ZDHHC1: variants seen among roughly 807,000 people sequenced by gnomAD.
ZDHHC1 encodes palmitoyltransferase ZDHHC1.
ZDHHC1 carries 45 observed loss-of-function variants against 46.9 expected under a neutral mutation model. That is an observed-to-expected ratio of 0.96 (90% CI 0.76 to 1.23). ZDHHC1 has a LOEUF of 1.23. Among genes scored for constraint, ZDHHC1 ranks in the 50% most tolerant of loss-of-function variants. The probability of loss-of-function intolerance (pLI) is 0.00; values close to 1 mark genes in which losing one functional copy is unlikely to be tolerated. For missense variants in ZDHHC1, 649 were observed against 670.8 expected (o/e 0.97, Z 0.36); for synonymous variants, 291 against 286.0 (o/e 1.02, Z -0.18).
chr16:67,404,517 G>C, intron 3 of ZDHHC1: 1 of 337,094 alleles, frequency 3.0e-6, no homozygotes, highest in Admixed American at 3.7e-5. Context: ...GAAGGAAGGA[G>C]AGCATATAGG....
chr16:67,412,134 T>G (rs8052687), intron 1 of ZDHHC1, among the ~76,000 whole-genome samples: 37,749 of 150,068 alleles, frequency 0.25, 8,877 homozygotes, highest in African/African-American at 0.62. Context: ...AAAAAAAGGC[T>G]GCGGGGATGG....
rs12598427 is a variant in ZDHHC1, at chr16:67,408,543, G to C, written c.-38-730C>G. ...GCGCTGTCACCCAGGCTGGAGTGCC[G>C]TGGCGCAATGATAGCTCACTGAAGC... is the stretch of plus-strand genomic sequence containing the variant. On this transcript the variant is annotated intron_variant, in intron 1 of 11. Transcript: ENST00000565726. Among the ~76,000 whole-genome samples, 24 of 152,156 alleles carry C rather than the reference G, an allele frequency of 1.6e-4. No individual in the cohort carries two copies. The East Asian group carries it at 4.1e-3, about 26-fold the overall frequency.
At chr16:67,398,364 G>A (rs776293417) in intron 7 of ZDHHC1, 40 bp from the exon 8 acceptor site, 65 of 1,589,086 alleles carry the variant, frequency 4.1e-5, no homozygotes, top group Non-Finnish European at 5.4e-5. Flanking sequence ...GTGGAAGGGG[G>A]ACTCTGGAGC....
At chr16:67,395,608 G>A in intron 8 of ZDHHC1, 42 bp from the exon 9 acceptor site, 1 of 1,544,176 alleles carries the variant, frequency 6.5e-7, no homozygotes, top group Non-Finnish European at 8.8e-7. Flanking sequence ...GGCCAGGTGT[G>A]GCTCCCGAGC....
intron 3 of ZDHHC1, chr16:67,404,632 T>TCAGG (rs945264565): frequency 2.2e-6 from 1 of 453,120 alleles, no homozygotes; most frequent in African/African-American, 2.0e-5. Flanking sequence ...CTCAGGACAG[T>TCAGG]CAGGCTTCCT....
In ZDHHC1 at chr16:67,398,484, C is replaced by T. The variant is rs2040476946; in HGVS notation, c.814+89G>A. The T allele has an allele frequency of 5.9e-6, 9 of 1,533,264 alleles. No individual in the cohort carries two copies. In the Admixed American group the frequency reaches 1.8e-4, roughly 30 times the overall value. 95.0% of individuals were successfully genotyped at this position (1,533,264 alleles called of 1,614,324 possible). On this transcript the variant is annotated intron_variant, in intron 7 of 11. Transcript: ENST00000565726. ...ATAGTGAGCCCATACTAGGCAGGGGCATGGTTTCAGGGTCCACCGTCCAAC... is the reference window on the plus strand; with the variant it reads ...ATAGTGAGCCCATACTAGGCAGGGGTATGGTTTCAGGGTCCACCGTCCAAC...
At chr16:67,408,426 T>C (rs1460129174) in intron 1 of ZDHHC1, among the ~76,000 whole-genome samples, 5 of 151,568 alleles carry the variant, frequency 3.3e-5, no homozygotes, top group African/African-American at 4.9e-5. Context: ...CCGCCAGCCT[T>C]GGCCTCCCAA....
At position 67,397,804 on chromosome 16, in the gene ZDHHC1, G is replaced by C. The variant is rs1433914685; in HGVS notation, c.927+408C>G. 3.3e-5 allele frequency among the ~76,000 whole-genome samples: 5 copies of C among 152,348 alleles called. No individual in the cohort carries two copies. The East Asian group carries it at 9.7e-4, about 29-fold the overall frequency. ...CCTCAGTAGGCACATCTGCAGAAGA[G>C]GCTGTTCTAAGCATAAATTAGGGTA... On this transcript the variant is annotated intron_variant, in intron 8 of 11. Transcript: ENST00000565726.
At chr16:67,402,135 A>G (rs1377787783) in intron 3 of ZDHHC1, among the ~76,000 whole-genome samples, 1 of 152,240 alleles carries the variant, frequency 6.6e-6, no homozygotes, top group Non-Finnish European at 1.5e-5. Flanking sequence ...TAGCTAAGAG[A>G]GACAATCCTG....
chr16:67,410,027 C>G (rs1251838750), intron 1 of ZDHHC1, among the ~76,000 whole-genome samples: 1 of 151,860 alleles, frequency 6.6e-6, no homozygotes, highest in Non-Finnish European at 1.5e-5. Context: ...GAGCAGGACC[C>G]AGTGAGAGAT....
intron 4 of ZDHHC1, among the ~76,000 whole-genome samples, chr16:67,400,406 G>T (rs2040528572): frequency 6.6e-6 from 1 of 152,226 alleles, no homozygotes; most frequent in Non-Finnish European, 1.5e-5. Context: ...TTAGCAGAGG[G>T]ACCTGAGCAA....
chr16:67,404,407 C>CA (rs1437645398), intron 3 of ZDHHC1: 1 of 268,920 alleles, frequency 3.7e-6, no homozygotes, highest in East Asian at 8.7e-5. Flanking sequence ...CCCTAAGGCC[C>CA]AGGCCAGTTC....
intron 1 of ZDHHC1, among the ~76,000 whole-genome samples, chr16:67,410,103 A>G (rs924453538): frequency 1.3e-5 from 2 of 152,194 alleles, no homozygotes; most frequent in Non-Finnish European, 2.9e-5. Context: ...ACACATGGGC[A>G]CTGCTGGAAG....
intron 8 of ZDHHC1, 101 bp downstream of exon 8, chr16:67,398,111 T>G: frequency 3.3e-6 from 4 of 1,206,564 alleles, no homozygotes. Flanking sequence ...CCAGCGGCTG[T>G]TCCAGGCTTG....
In ZDHHC1 at chr16:67,406,222, T is replaced by A. The variant is rs1348278619; in HGVS notation, c.230A>T (p.His77Leu). 1.9e-6 allele frequency: 3 copies of A among 1,613,634 alleles called. No individual in the cohort carries two copies. In the South Asian group the frequency reaches 3.3e-5, roughly 18 times the overall value. ...TACAGCGTAGCCAGCGGGCACCCAG[T>A]GGTGAGGCAGGAGGGGAACAAGGAT... ...FGILVPLLPH[H>L]WVPAGYACMG... The change falls in exon 3 of 12, where the codon CAC becomes CTC. Residue 77 changes from histidine (H) to leucine (L), a missense_variant. Physicochemically the swap from His to Leu is moderately conservative, Grantham distance 99 (BLOSUM62 -3). Transcript: ENST00000565726. The surrounding 1 kb of genome is among the most constrained non-coding windows in gnomAD (Gnocchi z 4.1).
chr16:67,402,741 C>A (rs2142241428), intron 3 of ZDHHC1, among the ~76,000 whole-genome samples: 1 of 152,252 alleles, frequency 6.6e-6, no homozygotes, highest in African/African-American at 2.4e-5. Context: ...ATTCTCCTGC[C>A]TCAGCCTCCC....
At chr16:67,400,331 G>A (rs1316456665) in intron 4 of ZDHHC1, among the ~76,000 whole-genome samples, 1 of 152,180 alleles carries the variant, frequency 6.6e-6, no homozygotes, top group African/African-American at 2.4e-5. Flanking sequence ...GTGGAGAGGG[G>A]CCCCTAGAGA....
chr16:67,413,147 A>G (rs1446283896), intron 1 of ZDHHC1, among the ~76,000 whole-genome samples: 1 of 150,970 alleles, frequency 6.6e-6, no homozygotes, highest in East Asian at 1.9e-4. Context: ...TGGTGCAATC[A>G]TCGTTCACTG....
chr16:67,398,912 A>G lies in ZDHHC1; in HGVS notation c.563T>C (p.Leu188Pro). The G allele has an allele frequency of 6.2e-7, 1 of 1,613,448 alleles. No individual in the cohort carries two copies. The highest frequency in any genetic ancestry group is 2.2e-5 in the East Asian group (1 of 44,846). The change falls in exon 6 of 12, where the codon CTG becomes CCG. Residue 188 changes from leucine to proline, a missense_variant. Leu to Pro is a moderately conservative substitution (Grantham distance 98, BLOSUM62 -3). Transcript: ENST00000565726. ...LFLHSVASAL[L>P]GVLLLVLVAT... The stretch of plus-strand genomic sequence containing the variant: ...CACCAGCACCAGGAGCAGGACGCCC[A>G]GTAAAGCGGATGCAACACTGTGTAG...
Sources: gnomAD v4.1 joint callset for allele counts (sites outside exome capture counted in the v4.1 genomes callset) on GRCh38, gnomAD v4.1.1 for gene constraint, Gnocchi (gnomAD v3.1) non-coding constraint, MANE v1.5 for transcripts, NCBI Gene and HGNC (gene_info 2026-07-23, HGNC 2026-07-21) for gene names.